The following LINGO2 variants were observed in gnomAD, a reference collection of about 807,000 sequenced individuals.
LINGO2 encodes the protein leucine rich repeat and Ig domain containing 2.
Under a neutral mutation model 30.6 loss-of-function variants are expected in LINGO2, and 14 were observed. The observed-to-expected ratio is 0.46, with a 90% confidence interval of 0.30 to 0.72. The LOEUF is 0.72. LINGO2 is among the 30% of genes least tolerant of loss of function. LINGO2 has a pLI of 0.07. For missense variants in LINGO2, 729 were observed against 751.7 expected (o/e 0.97, Z 0.35); for synonymous variants, 317 against 288.5 (o/e 1.10, Z -1.00).
chr9:28,139,778 T>C (rs1308915224), intron 4 of LINGO2, among the ~76,000 whole-genome samples: 2 of 152,058 alleles, frequency 1.3e-5, no homozygotes, highest in African/African-American at 4.8e-5. Flanking sequence ...ATACTACAAA[T>C]ATAAGCATAG....
the LINGO2 span, among the ~76,000 whole-genome samples, chr9:29,007,684 G>A: frequency 6.6e-6 from 1 of 152,030 alleles, no homozygotes; most frequent in Non-Finnish European, 1.5e-5. Flanking sequence ...AATGATAGAG[G>A]ATTCAGTGAT....
the LINGO2 span, among the ~76,000 whole-genome samples, chr9:28,742,133 C>G: frequency 6.6e-6 from 1 of 151,940 alleles, no homozygotes; most frequent in Non-Finnish European, 1.5e-5. Flanking sequence ...TGAACCTGGT[C>G]TTGGGGTTTG....
At chr9:28,861,264 A>T in the LINGO2 span, among the ~76,000 whole-genome samples, 1 of 123,020 alleles carries the variant, frequency 8.1e-6, no homozygotes, top group Admixed American at 1.0e-4. Flanking sequence ...TATTATATAA[A>T]ATATATAATA....
chr9:27,944,127 A>T (rs188368749), downstream of LINGO2: 2 of 152,182 alleles, frequency 1.3e-5, no homozygotes, highest in Non-Finnish European at 1.5e-5. Flanking sequence ...AATCTCACAT[A>T]AGATAAGGAA....
the LINGO2 span, among the ~76,000 whole-genome samples, chr9:29,201,539 T>A: frequency 1.0e-3 from 159 of 152,052 alleles, no homozygotes; most frequent in African/African-American, 3.7e-3. Context: ...TTATCTTTGT[T>A]CTATAACCTA....
chr9:28,261,563 A>G (rs893746768), intron 4 of LINGO2, among the ~76,000 whole-genome samples: 1 of 151,936 alleles, frequency 6.6e-6, no homozygotes, highest in Non-Finnish European at 1.5e-5. Context: ...ACTCCTAATA[A>G]GATACCTTTA....
intron 1 of LINGO2, among the ~76,000 whole-genome samples, chr9:28,542,042 T>C (rs1054786611): frequency 3.3e-5 from 5 of 152,084 alleles, no homozygotes; most frequent in Admixed American, 1.3e-4. Flanking sequence ...AAAATGCTGA[T>C]TAGGCATTGA....
chr9:28,635,503 G>T (rs1335266869), intron 1 of LINGO2, among the ~76,000 whole-genome samples: 1 of 152,088 alleles, frequency 6.6e-6, no homozygotes, highest in Non-Finnish European at 1.5e-5. Flanking sequence ...ACAGGAGACA[G>T]GGAAAATAAC....
exon 6 of LINGO2, chr9:27,948,524 T>C (rs1266521586): frequency 8.2e-6 from 2 of 245,252 alleles, no homozygotes; most frequent in African/African-American, 4.5e-5. Context: ...TTTTATTTTT[T>C]CTTTTGTTTT....
At chr9:28,214,180 C>T (rs947055890) in intron 4 of LINGO2, among the ~76,000 whole-genome samples, 1 of 151,532 alleles carries the variant, frequency 6.6e-6, no homozygotes, top group Admixed American at 6.6e-5. Flanking sequence ...CATAGTAAAT[C>T]TAAACTTTGC....
At chr9:29,071,734 G>A in the LINGO2 span, among the ~76,000 whole-genome samples, 1 of 151,146 alleles carries the variant, frequency 6.6e-6, no homozygotes, top group Non-Finnish European at 1.5e-5. Flanking sequence ...TGGAGAGATG[G>A]ACATCAGTCA....
the LINGO2 span, among the ~76,000 whole-genome samples, chr9:28,895,175 T>G: frequency 4.6e-5 from 7 of 151,962 alleles, no homozygotes; most frequent in East Asian, 1.3e-3. Context: ...AAGAGAAATT[T>G]TGATGGGCTA....
intron 4 of LINGO2, among the ~76,000 whole-genome samples, chr9:28,041,814 T>C (rs1824208417): frequency 6.6e-6 from 1 of 152,190 alleles, no homozygotes; most frequent in East Asian, 1.9e-4. Flanking sequence ...AAATTTATAG[T>C]TATAATTATT....
At chr9:28,046,931 G>A (rs1290949009) in intron 4 of LINGO2, among the ~76,000 whole-genome samples, 1 of 152,024 alleles carries the variant, frequency 6.6e-6, no homozygotes, top group Admixed American at 6.6e-5. Flanking sequence ...ACGCGTTCTG[G>A]GTATGTGATT....
At chr9:28,379,993 G>C (rs996431743) in intron 2 of LINGO2, among the ~76,000 whole-genome samples, 1 of 151,976 alleles carries the variant, frequency 6.6e-6, no homozygotes, top group African/African-American at 2.4e-5. Flanking sequence ...TTAAGACAGG[G>C]GTTCACAAAT....
chr9:28,346,460 C>A (rs1001527854), intron 3 of LINGO2, among the ~76,000 whole-genome samples: 4 of 152,076 alleles, frequency 2.6e-5, no homozygotes, highest in Non-Finnish European at 5.9e-5. Flanking sequence ...TGGGTTGGTT[C>A]CATGTCTTTG....
At chr9:28,662,898 A>G (rs2136015500) in intron 1 of LINGO2, among the ~76,000 whole-genome samples, 1 of 152,334 alleles carries the variant, frequency 6.6e-6, no homozygotes, top group African/African-American at 2.4e-5. Flanking sequence ...TGAGTAAGCA[A>G]AAATGAGCCT....
At chr9:27,965,906 A>G (rs1423351663) in intron 5 of LINGO2, among the ~76,000 whole-genome samples, 1 of 152,126 alleles carries the variant, frequency 6.6e-6, no homozygotes, top group Non-Finnish European at 1.5e-5. Context: ...GTATAAGGTA[A>G]TGGCTAAAAG....
intron 1 of LINGO2, among the ~76,000 whole-genome samples, chr9:28,558,169 C>CAA (rs11421322): frequency 5.6e-4 from 78 of 139,578 alleles, no homozygotes; most frequent in Admixed American, 2.4e-3. Context: ...AGAATAAAAC[C>CAA]AAAAAAAAAA....
Sources: gnomAD v4.1 joint callset for allele counts (sites outside exome capture counted in the v4.1 genomes callset) on GRCh38, gnomAD v4.1.1 for gene constraint, MANE v1.5 for transcripts, NCBI Gene and HGNC (gene_info 2026-07-23, HGNC 2026-07-21) for gene names.